CDC26: variants seen among roughly 807,000 people sequenced by gnomAD.
CDC26 encodes the protein anaphase-promoting complex subunit CDC26.
In CDC26, 2 loss-of-function variants were observed where a neutral mutation model predicts 8.0. The ratio of observed to expected loss-of-function variants is 0.25; its 90% CI spans 0.10 to 0.79. The LOEUF is 0.79. Ranked by LOEUF, CDC26 falls within the 30% of genes least tolerant of loss-of-function variation. The pLI, the probability that CDC26 is intolerant of heterozygous loss-of-function variation, is 0.70. For synonymous variants in CDC26, 19 were observed against 34.9 expected, an observed-to-expected ratio of 0.55 and a Z score of 1.60; for missense variants, 68 against 106.0, an observed-to-expected ratio of 0.64 and a Z score of 1.57.
Position 113,267,430 on chromosome 9 carries a change from T to A in CDC26, c.91A>T (p.Lys31Ter), listed in dbSNP as rs182199537. 6.3e-7 allele frequency: 1 copy of A among 1,599,462 alleles called. No individual in the cohort carries two copies. Among genetic ancestry groups the A allele is most frequent in the African/African-American group, 1.3e-5 (1 of 74,078 alleles). ...ACAACTTCCACATCTTCCTTCTGTTTCTTACGGGTCTGAAAGTATAAAAGT... is the reference window on the plus strand; with the variant it reads ...ACAACTTCCACATCTTCCTTCTGTTACTTACGGGTCTGAAAGTATAAAAGT... Reference protein sequence around the residue: ...NIRKDLETRKKQKEDVEVVGG... With the variant: ...NIRKDLETRK Residue 31 changes from lysine (K) to a stop codon, truncating the protein, a stop_gained, in exon 4 of 4, where the codon AAA becomes TAA. Coordinates refer to ENST00000374206, the MANE Select transcript of CDC26 (RefSeq NM_139286.4). LOFTEE classifies it high-confidence loss of function.
intron 1 of CDC26, among the ~76,000 whole-genome samples, chr9:113,273,903 A>C (rs1443430520): frequency 2.0e-5 from 3 of 151,944 alleles, no homozygotes; most frequent in African/African-American, 7.3e-5. Flanking sequence ...GTTAACAAAA[A>C]CCATTTTGTT....
At chr9:113,268,331 A>G (rs901863816) in intron 3 of CDC26, among the ~76,000 whole-genome samples, 1 of 152,200 alleles carries the variant, frequency 6.6e-6, no homozygotes, top group Non-Finnish European at 1.5e-5. Context: ...TATCTTATCA[A>G]AAGGTCTGGG....
chr9:113,268,393 T>C (rs1386992180), intron 3 of CDC26, among the ~76,000 whole-genome samples: 1 of 152,234 alleles, frequency 6.6e-6, no homozygotes, highest in East Asian at 1.9e-4. Context: ...CTAAGTCACA[T>C]GTGACTGCAG....
At chr9:113,271,703 CT>C (rs1831959892) in intron 3 of CDC26, among the ~76,000 whole-genome samples, 1 of 152,202 alleles carries the variant, frequency 6.6e-6, no homozygotes. Flanking sequence ...GTTTGTGGTA[CT>C]TTGTTACAGC....
At chr9:113,268,043 C>T (rs1381840559) in intron 3 of CDC26, among the ~76,000 whole-genome samples, 3 of 151,994 alleles carry the variant, frequency 2.0e-5, no homozygotes, top group Non-Finnish European at 4.4e-5. Flanking sequence ...AATAGGGAAA[C>T]AGGCAAACAG....
At chr9:113,272,072 G>A (rs1204101864) in intron 3 of CDC26, among the ~76,000 whole-genome samples, 4 of 152,162 alleles carry the variant, frequency 2.6e-5, no homozygotes, top group Admixed American at 6.5e-5. Flanking sequence ...ACAGATGTAA[G>A]CCACTGTGCC....
Position 113,272,428 on chromosome 9 carries a change from T to C in CDC26, c.80A>G (p.Glu27Gly), listed in dbSNP as rs372664792. The change falls in exon 3 of 4, where the codon GAG (glutamate) becomes GGG (glycine). Residue 27 changes from glutamate to glycine, a missense_variant and splice_region_variant. Coordinates refer to ENST00000374206, the MANE Select transcript of CDC26 (RefSeq NM_139286.4). ...EEFENIRKDL[E>G]TRKKQKEDVE... is the part of the protein sequence containing the mutation. ...AAAAACACAAAGTTGTATTCATACC[T>C]CCAGGTCCTTTCGAATGTTCTCAAA... 3.4e-5 allele frequency: 55 copies of C among 1,608,476 alleles called. No homozygotes were observed. The highest frequency in any genetic ancestry group is 3.7e-5 in the Non-Finnish European group (43 of 1,176,476).
intron 3 of CDC26, among the ~76,000 whole-genome samples, chr9:113,271,697 G>T (rs1312291774): frequency 3.9e-5 from 6 of 152,248 alleles, no homozygotes; most frequent in Non-Finnish European, 1.5e-5. Flanking sequence ...GATGAAGTTT[G>T]TGGTACTTTG....
intron 3 of CDC26, among the ~76,000 whole-genome samples, chr9:113,272,033 C>G (rs1588002855): frequency 6.6e-6 from 1 of 152,152 alleles, no homozygotes; most frequent in East Asian, 1.9e-4. Flanking sequence ...AGGCTGGTCT[C>G]AAACTCCTGG....
intron 2 of CDC26, 142 bp from the exon 3 acceptor site, chr9:113,272,690 T>TC (rs1185020545): frequency 4.2e-6 from 2 of 481,054 alleles, no homozygotes; most frequent in Non-Finnish European, 7.4e-6. Context: ...ACTTCTAAAG[T>TC]CTTTTTTTTT....
intron 1 of CDC26, among the ~76,000 whole-genome samples, chr9:113,274,350 T>A (rs148374686): frequency 6.6e-6 from 1 of 152,214 alleles, no homozygotes; most frequent in East Asian, 1.9e-4. Context: ...AAGAAATAGT[T>A]CCTTCTCCCA....
intron 1 of CDC26, among the ~76,000 whole-genome samples, chr9:113,275,036 G>A (rs1485724555): frequency 6.6e-6 from 1 of 152,102 alleles, no homozygotes; most frequent in Non-Finnish European, 1.5e-5. Context: ...CCAGGCTGAA[G>A]ACAAATCAAC....
intron 1 of CDC26, among the ~76,000 whole-genome samples, chr9:113,275,161 G>C (rs536042554): frequency 6.6e-6 from 1 of 152,146 alleles, no homozygotes. Flanking sequence ...CAAGCTCAGA[G>C]GGGGAGCCTG....
intron 1 of CDC26, 37 bp downstream of exon 1, chr9:113,275,343 CAG>C (rs1832048021): frequency 1.1e-5 from 2 of 178,930 alleles, no homozygotes; most frequent in Non-Finnish European, 2.3e-5. Context: ...TGACTCGCTC[CAG>C]AGTTCAGCCC....
intron 3 of CDC26, among the ~76,000 whole-genome samples, chr9:113,270,741 G>A (rs1017164413): frequency 6.6e-6 from 1 of 152,214 alleles, no homozygotes; most frequent in South Asian, 2.1e-4. Flanking sequence ...GAGCCAATGT[G>A]GCTAGGGTAT....
At chr9:113,271,146 G>A (rs534894443) in intron 3 of CDC26, among the ~76,000 whole-genome samples, 1 of 152,176 alleles carries the variant, frequency 6.6e-6, no homozygotes, top group Non-Finnish European at 1.5e-5. Context: ...ATGACTGCTA[G>A]GTTTCTGGCC....
At chr9:113,268,518 G>A (rs1471756747) in intron 3 of CDC26, among the ~76,000 whole-genome samples, 23 of 152,202 alleles carry the variant, frequency 1.5e-4, no homozygotes, top group Admixed American at 1.5e-3. Flanking sequence ...AGAGTGAAAT[G>A]ATGTTTTATC....
intron 1 of CDC26, among the ~76,000 whole-genome samples, chr9:113,274,963 G>C (rs537834349): frequency 2.0e-5 from 3 of 152,288 alleles, no homozygotes; most frequent in Non-Finnish European, 4.4e-5. Context: ...GCAGGGCAGA[G>C]AGACGTACAG....
chr9:113,274,151 A>G (rs1374110079), intron 1 of CDC26, among the ~76,000 whole-genome samples: 1 of 152,214 alleles, frequency 6.6e-6, no homozygotes, highest in Non-Finnish European at 1.5e-5. Context: ...CCTATTTCAC[A>G]CATAAAGAAG....
Sources: allele counts gnomAD v4.1 joint callset (sites outside exome capture counted in the v4.1 genomes callset), GRCh38; gene constraint gnomAD v4.1.1; transcripts MANE v1.5; gene names NCBI Gene and HGNC (gene_info 2026-07-23, HGNC 2026-07-21).